The following VPS54 variants were observed in gnomAD, a reference collection of about 807,000 sequenced individuals.
The protein encoded by VPS54 is vacuolar protein sorting-associated protein 54.
A neutral mutation model predicts 121.5 loss-of-function variants in VPS54; 45 were observed. That is an observed-to-expected ratio of 0.37 (90% CI 0.29 to 0.47). The LOEUF is 0.47. VPS54 is among the 20% of genes least tolerant of loss of function. The pLI is 0.99. For synonymous variants in VPS54, 371 were observed against 385.8 expected (o/e 0.96, Z 0.45); for missense variants, 1,090 against 1,131.4 (o/e 0.96, Z 0.52).
At position 63,981,712 on chromosome 2, in the gene VPS54, T is replaced by C. The variant is rs1676809411; in HGVS notation, c.312A>G (p.Ile104Met). Reference sequence around the variant, plus strand: ...TGATCTGTGGGAGGTAGAATGAAGGTATGACTTCAGTGTCCACAAAGTCCA... The same window carrying C: ...TGATCTGTGGGAGGTAGAATGAAGGCATGACTTCAGTGTCCACAAAGTCCA... Reference protein sequence around the residue: ...WGLDFVDTEVIPSFYLPQISK... With the variant: ...WGLDFVDTEVMPSFYLPQISK... The change falls in exon 3 of 23, where the codon ATA becomes ATG. Residue 104 changes from isoleucine (I) to methionine (M), a missense_variant. Transcript: ENST00000272322. 6.2e-7 allele frequency: 1 copy of C among 1,613,438 alleles called. No homozygotes were observed. The highest frequency in any genetic ancestry group is 1.3e-5 in the African/African-American group (1 of 74,906).
chr2:63,944,792 C>A, intron 9 of VPS54, 137 bp from the exon 10 acceptor site: 1 of 633,284 alleles, frequency 1.6e-6, no homozygotes, highest in Non-Finnish European at 2.7e-6. Flanking sequence ...TACATGTGGC[C>A]AACATAACTG....
At chr2:64,018,178 A>G (rs1210462642) in intron 1 of VPS54, among the ~76,000 whole-genome samples, 1 of 152,234 alleles carries the variant, frequency 6.6e-6, no homozygotes, top group Non-Finnish European at 1.5e-5. Context: ...TTAAAAACAA[A>G]AACAGTCCAA....
intron 20 of VPS54, among the ~76,000 whole-genome samples, chr2:63,908,550 A>C (rs1673001821): frequency 6.6e-6 from 1 of 152,192 alleles, no homozygotes; most frequent in African/African-American, 2.4e-5. Flanking sequence ...TGTAAATTAT[A>C]CCTCAATAAA....
intron 12 of VPS54, among the ~76,000 whole-genome samples, chr2:63,929,705 CAAA>C (rs71393340): frequency 7.7e-6 from 1 of 129,290 alleles, no homozygotes; most frequent in East Asian, 2.3e-4. Flanking sequence ...AAAAACCCTT[CAAA>C]AAAAAAAAAA....
At chr2:63,987,409 A>G (rs1253170001) in intron 1 of VPS54, among the ~76,000 whole-genome samples, 7 of 152,134 alleles carry the variant, frequency 4.6e-5, no homozygotes, top group Non-Finnish European at 1.5e-5. Flanking sequence ...CCACTGTTCT[A>G]TGTGTCTGGT....
At chr2:63,926,862 A>T (rs1024031685) in intron 12 of VPS54, among the ~76,000 whole-genome samples, 1 of 152,036 alleles carries the variant, frequency 6.6e-6, no homozygotes, top group Non-Finnish European at 1.5e-5. Context: ...TGGGTCCCAC[A>T]CCCACGGAGC....
At chr2:64,008,385 G>C (rs1187807230) in intron 1 of VPS54, among the ~76,000 whole-genome samples, 1 of 149,062 alleles carries the variant, frequency 6.7e-6, no homozygotes, top group Non-Finnish European at 1.5e-5. Context: ...TTGAACTCCA[G>C]CCTGGGTGAC....
In VPS54 at chr2:63,892,747, A is replaced by C. The variant is rs1009502411; in HGVS notation, c.*683T>G. 6.6e-6 allele frequency: 1 copy of C among 152,258 alleles called. No individual in the cohort carries two copies. The highest frequency in any genetic ancestry group is 1.5e-5 in the Non-Finnish European group (1 of 67,970). The allele number at this position is 152,258 out of a possible 1,614,324, so 9.4% of individuals were successfully genotyped here. ...CCAGGATCTTTTTTTTTAAGTATTA[A>C]TTACTTAAAAAAAGGCTTAAGTCTT... is the stretch of plus-strand genomic sequence containing the variant. On this transcript the variant is annotated 3_prime_UTR_variant, in exon 23 of 23. Coordinates refer to ENST00000272322, the MANE Select transcript of VPS54 (RefSeq NM_016516.3).
chr2:63,996,115 A>T (rs1677575142), intron 1 of VPS54, among the ~76,000 whole-genome samples: 1 of 152,214 alleles, frequency 6.6e-6, no homozygotes, highest in African/African-American at 2.4e-5. Context: ...ACATTTATAT[A>T]AAAAGAAAGG....
At chr2:63,964,701 T>C (rs950276655) in intron 6 of VPS54, among the ~76,000 whole-genome samples, 1 of 152,188 alleles carries the variant, frequency 6.6e-6, no homozygotes, top group Non-Finnish European at 1.5e-5. Context: ...CTTCCCCACA[T>C]TTCTTCTTCT....
chr2:63,950,913 T>C (rs1222795915), intron 7 of VPS54, among the ~76,000 whole-genome samples: 2 of 152,190 alleles, frequency 1.3e-5, no homozygotes, highest in African/African-American at 2.4e-5. Flanking sequence ...CAGAAGCTGC[T>C]TCTCCTATTA....
At chr2:63,896,214 A>AT (rs1228052572) in intron 22 of VPS54, among the ~76,000 whole-genome samples, 2 of 152,076 alleles carry the variant, frequency 1.3e-5, no homozygotes, top group Non-Finnish European at 2.9e-5. Flanking sequence ...ATTAATGTTG[A>AT]TTTTCTTAGG....
chr2:64,009,390 A>G (rs1479681052), intron 1 of VPS54, among the ~76,000 whole-genome samples: 1 of 152,122 alleles, frequency 6.6e-6, no homozygotes, highest in Non-Finnish European at 1.5e-5. Context: ...ATCTCAGTTC[A>G]TAACAACCTC....
chr2:64,014,527 G>C (rs547150036), intron 1 of VPS54, among the ~76,000 whole-genome samples: 115 of 144,670 alleles, frequency 7.9e-4, no homozygotes, highest in Non-Finnish European at 1.1e-3. Context: ...TCAGATTATA[G>C]TGATATACTA....
chr2:63,909,133 G>C (rs1206899123), intron 20 of VPS54, among the ~76,000 whole-genome samples: 2 of 152,072 alleles, frequency 1.3e-5, no homozygotes, highest in African/African-American at 2.4e-5. Flanking sequence ...AAAAGCTCCA[G>C]CACTAAATTA....
At chr2:63,930,971 C>T (rs1026985400) in intron 12 of VPS54, among the ~76,000 whole-genome samples, 1 of 152,084 alleles carries the variant, frequency 6.6e-6, no homozygotes, top group African/African-American at 2.4e-5. Context: ...TGTGAAGGAC[C>T]TCTTCAAGGA....
intron 1 of VPS54, among the ~76,000 whole-genome samples, chr2:63,997,386 T>A (rs1677646606): frequency 6.6e-6 from 1 of 152,208 alleles, no homozygotes; most frequent in Non-Finnish European, 1.5e-5. Flanking sequence ...TACTTGTTAT[T>A]GGTCTGTTCA....
At chr2:63,962,589 G>A in intron 6 of VPS54, 146 bp from the exon 7 acceptor site, 1 of 1,045,120 alleles carries the variant, frequency 9.6e-7, no homozygotes, top group Non-Finnish European at 1.3e-6. Flanking sequence ...CTTGAAATTG[G>A]GCACAACAAA....
chr2:63,983,816 G>C, intron 2 of VPS54, 48 bp downstream of exon 2: 2 of 1,544,960 alleles, frequency 1.3e-6, no homozygotes, highest in Non-Finnish European at 1.7e-6. Flanking sequence ...CTCATTTAAA[G>C]ATAATAGAAA....
Sources: allele counts gnomAD v4.1 joint callset (sites outside exome capture counted in the v4.1 genomes callset), GRCh38; gene constraint gnomAD v4.1.1; transcripts MANE v1.5; gene names NCBI Gene and HGNC (gene_info 2026-07-23, HGNC 2026-07-21).